Variants in SLC39A11 observed in about 807,000 individuals in gnomAD.
SLC39A11 encodes zinc transporter ZIP11.
SLC39A11 carries 33 observed loss-of-function variants against 36.1 expected under a neutral mutation model. That is an observed-to-expected ratio of 0.91 (90% CI 0.69 to 1.22). SLC39A11 has a LOEUF of 1.22. Ranked by LOEUF, SLC39A11 falls within the 50% of genes most tolerant of loss-of-function variation. The pLI is 0.00. For missense variants in SLC39A11, 432 were observed against 430.3 expected (o/e 1.00, Z -0.03); for synonymous variants, 166 against 170.3 (o/e 0.97, Z 0.20).
chr17:72,967,011 G>A (rs544898766), intron 4 of SLC39A11, among the ~76,000 whole-genome samples: 24 of 152,126 alleles, frequency 1.6e-4, no homozygotes, highest in South Asian at 6.2e-4. Context: ...TAGGTTGCGC[G>A]TTCCTTATGA....
intron 3 of SLC39A11, among the ~76,000 whole-genome samples, chr17:73,051,344 C>T (rs1452208334): frequency 2.0e-5 from 3 of 152,202 alleles, no homozygotes; most frequent in African/African-American, 7.2e-5. Flanking sequence ...ACCCCATTTC[C>T]GAGCCCTAAA....
At chr17:72,947,712 T>A (rs2085519485) in intron 5 of SLC39A11, 40 bp downstream of exon 5, 1 of 1,612,572 alleles carries the variant, frequency 6.2e-7, no homozygotes, top group Admixed American at 1.7e-5. Flanking sequence ...CAGCTCAGTG[T>A]CTGCAGCAAA....
intron 4 of SLC39A11, among the ~76,000 whole-genome samples, chr17:73,015,733 C>T (rs1466998991): frequency 6.6e-6 from 1 of 152,144 alleles, no homozygotes; most frequent in Non-Finnish European, 1.5e-5. Context: ...CAGATGCGCA[C>T]CACCACGCCC....
chr17:72,780,499 C>G (rs2076272445), intron 6 of SLC39A11, among the ~76,000 whole-genome samples: 1 of 99,380 alleles, frequency 1.0e-5, no homozygotes, highest in Admixed American at 1.6e-4. Flanking sequence ...GTGCACCGCA[C>G]AGTGCTAAGG....
At chr17:72,718,472 C>T (rs2073508593) in intron 7 of SLC39A11, among the ~76,000 whole-genome samples, 1 of 152,176 alleles carries the variant, frequency 6.6e-6, no homozygotes, top group African/African-American at 2.4e-5. Context: ...ATTGGAATTA[C>T]TATAGTCAAT....
At chr17:72,845,654 A>G (rs1398796000) in intron 6 of SLC39A11, among the ~76,000 whole-genome samples, 1 of 152,204 alleles carries the variant, frequency 6.6e-6, no homozygotes, top group Non-Finnish European at 1.5e-5. Flanking sequence ...TCACCTTGCT[A>G]TAATATTGGT....
At chr17:72,741,586 C>T (rs942129411) in intron 6 of SLC39A11, among the ~76,000 whole-genome samples, 1 of 152,138 alleles carries the variant, frequency 6.6e-6, no homozygotes, top group South Asian at 2.1e-4. Flanking sequence ...ATCACAGAGA[C>T]GTTAGGATCT....
chr17:72,890,998 G>A (rs543497331), intron 5 of SLC39A11, among the ~76,000 whole-genome samples: 2 of 152,000 alleles, frequency 1.3e-5, no homozygotes, highest in African/African-American at 2.4e-5. Flanking sequence ...TGATCACAAG[G>A]GGGTGGAAAG....
chr17:72,993,251 T>C (rs889648349), intron 4 of SLC39A11, among the ~76,000 whole-genome samples: 2 of 152,164 alleles, frequency 1.3e-5, no homozygotes, highest in Admixed American at 6.5e-5. Flanking sequence ...TTGTAAAGAT[T>C]ACACAGGTGT....
At chr17:72,765,211 A>C (rs1003091727) in intron 6 of SLC39A11, among the ~76,000 whole-genome samples, 1 of 152,078 alleles carries the variant, frequency 6.6e-6, no homozygotes, top group Non-Finnish European at 1.5e-5. Flanking sequence ...TGGCCTTTTG[A>C]GGTGTCTTTT....
intron 3 of SLC39A11, among the ~76,000 whole-genome samples, chr17:73,041,731 C>A (rs749986445): frequency 6.6e-6 from 1 of 152,228 alleles, no homozygotes; most frequent in Admixed American, 6.5e-5. Flanking sequence ...CCTTAACACC[C>A]ACCTGGACTG....
chr17:72,664,271 A>G (rs4793472), intron 7 of SLC39A11: 36,279 of 152,220 alleles, frequency 0.24, 4,395 homozygotes, highest in East Asian at 0.27. Context: ...AGGGTAAGCC[A>G]TGGACTGAAG....
At position 73,010,480 on chromosome 17, in the gene SLC39A11, G is replaced by C. The variant is rs376134980; in HGVS notation, c.306+21076C>G. On this transcript the variant is annotated intron_variant, in intron 4 of 9. Coordinates refer to ENST00000255559, the MANE Select transcript of SLC39A11 (RefSeq NM_139177.4). ...CAATCAATGGTCACTGACCTTGGCT[G>C]AACGTCAGAGTCCTTACGGGAACTT... is the stretch of plus-strand genomic sequence containing the variant. Among the ~76,000 whole-genome samples the C allele has an allele frequency of 5.9e-5, 9 of 152,276 alleles. No individual in the cohort carries two copies. The East Asian group carries it at 1.7e-3, about 29-fold the overall frequency.
At chr17:72,831,535 C>T (rs946633936) in intron 6 of SLC39A11, among the ~76,000 whole-genome samples, 1 of 152,234 alleles carries the variant, frequency 6.6e-6, no homozygotes, top group African/African-American at 2.4e-5. Context: ...TTCTTACAAT[C>T]ACCTACTTGG....
rs1436855306 is a variant in SLC39A11 at position 72,648,779 on chromosome 17, G to T, written c.929+24C>A. 3.7e-6 allele frequency: 6 copies of T among 1,613,872 alleles called. No individual in the cohort carries two copies. The Admixed American group carries it at 8.3e-5, about 22-fold the overall frequency. ...CCCAGCTGGGACTGGGACAGGGACAGACAGGGAGGGAAGGTTCTCCAACCT... is the reference window on the plus strand; with the variant it reads ...CCCAGCTGGGACTGGGACAGGGACATACAGGGAGGGAAGGTTCTCCAACCT... On this transcript the variant is annotated intron_variant, in intron 9 of 9. Coordinates refer to ENST00000255559, the MANE Select transcript of SLC39A11 (RefSeq NM_139177.4).
chr17:72,974,732 C>G (rs745721406), intron 4 of SLC39A11, among the ~76,000 whole-genome samples: 1 of 152,226 alleles, frequency 6.6e-6, no homozygotes, highest in African/African-American at 2.4e-5. Flanking sequence ...TAGGCCTTCA[C>G]ATTCACTCAC....
chr17:72,680,004 T>G lies in SLC39A11; in HGVS notation c.672-30736A>C, dbSNP rs1286493601. Among the ~76,000 whole-genome samples, 4 of 124,590 alleles carry G rather than the reference T, an allele frequency of 3.2e-5. No homozygotes were observed. The East Asian group carries it at 1.0e-3, about 31-fold the overall frequency. The allele number at this position is 124,590 out of a possible 152,430, so 81.7% of individuals were successfully genotyped here. On this transcript the variant is annotated intron_variant, in intron 7 of 9. Transcript: ENST00000255559. ...TTGCAGTGAGCCAAGATCGAGCTACTGCACTCCAGCCTGGGCGACAGAGTG... is the reference window on the plus strand; with the variant it reads ...TTGCAGTGAGCCAAGATCGAGCTACGGCACTCCAGCCTGGGCGACAGAGTG...
intron 6 of SLC39A11, among the ~76,000 whole-genome samples, chr17:72,834,971 T>C (rs2078460753): frequency 6.6e-6 from 1 of 152,242 alleles, no homozygotes; most frequent in South Asian, 2.1e-4. Context: ...TGACAGAATG[T>C]CTAAAAGTTT....
chr17:73,049,382 G>A (rs1355243359), intron 3 of SLC39A11, among the ~76,000 whole-genome samples: 1 of 150,636 alleles, frequency 6.6e-6, no homozygotes, highest in Non-Finnish European at 1.5e-5. Flanking sequence ...GCCTTCCAGG[G>A]CAGGAGCAGC....
Sources: gnomAD v4.1 joint callset for allele counts (sites outside exome capture counted in the v4.1 genomes callset) on GRCh38, gnomAD v4.1.1 for gene constraint, MANE v1.5 for transcripts, NCBI Gene and HGNC (gene_info 2026-07-23, HGNC 2026-07-21) for gene names.